Variants in DHX40 observed in about 807,000 individuals in gnomAD.
DHX40 encodes the protein DEAH-box helicase 40, also known as probable ATP-dependent RNA helicase DHX40.
A neutral mutation model predicts 89.6 loss-of-function variants in DHX40; 28 were observed. The ratio of observed to expected loss-of-function variants is 0.31; its 90% CI spans 0.23 to 0.43. The LOEUF is 0.43. Ranked by LOEUF, DHX40 falls within the 20% of genes least tolerant of loss-of-function variation. The pLI is 1.00. For missense variants in DHX40, 457 were observed against 844.0 expected (o/e 0.54, Z 5.68); for synonymous variants, 226 against 283.6 (o/e 0.80, Z 2.04).
At chr17:59,571,141 TATACA>T (rs1318440152) in intron 3 of DHX40, among the ~76,000 whole-genome samples, 3 of 152,114 alleles carry the variant, frequency 2.0e-5, no homozygotes, top group Non-Finnish European at 2.9e-5. Flanking sequence ...ACTATTTTGG[TATACA>T]ATTCAGTGCC....
chr17:59,573,593 G>C, intron 4 of DHX40, 147 bp from the exon 5 acceptor site: 2 of 950,322 alleles, frequency 2.1e-6, no homozygotes, highest in Non-Finnish European at 1.6e-6. Context: ...AAAGTGCTGG[G>C]ATTACAGGTG....
intron 4 of DHX40, 96 bp downstream of exon 4, chr17:59,573,331 T>G: frequency 1.9e-6 from 2 of 1,046,300 alleles, no homozygotes; most frequent in Non-Finnish European, 2.7e-6. Context: ...TACTTTTTAA[T>G]TTAATTTAAT....
At chr17:59,597,818 C>T (rs2030191592) in intron 12 of DHX40, among the ~76,000 whole-genome samples, 2 of 151,420 alleles carry the variant, frequency 1.3e-5, no homozygotes, top group South Asian at 4.2e-4. Flanking sequence ...GCCTGTAGTC[C>T]CAGCTACTCG....
intron 12 of DHX40, 151 bp from the exon 13 acceptor site, chr17:59,598,586 A>T: frequency 2.2e-6 from 1 of 455,362 alleles, no homozygotes; most frequent in South Asian, 3.3e-5. Flanking sequence ...TGGGAGAAAT[A>T]GAGCTTCCTA....
chr17:59,590,489 A>T (rs2049066516), intron 12 of DHX40, among the ~76,000 whole-genome samples: 2 of 151,374 alleles, frequency 1.3e-5, no homozygotes, highest in Non-Finnish European at 1.5e-5. Flanking sequence ...TTTTATTGAG[A>T]CAAGGTCTCA....
chr17:59,568,573 G>T (rs559186353), intron 2 of DHX40, among the ~76,000 whole-genome samples: 9 of 151,882 alleles, frequency 5.9e-5, no homozygotes, highest in Non-Finnish European at 1.3e-4. Flanking sequence ...TATAAATTAG[G>T]CATAGTAAGA....
At chr17:59,570,776 T>C (rs1012596133) in intron 3 of DHX40, 113 bp downstream of exon 3, 5 of 1,091,918 alleles carry the variant, frequency 4.6e-6, no homozygotes, top group Non-Finnish European at 6.2e-6. Flanking sequence ...CTCTACCTTC[T>C]GGGCTCAAGT....
chr17:59,583,768 T>TACTC (rs914119522), intron 10 of DHX40, among the ~76,000 whole-genome samples: 2 of 96,000 alleles, frequency 2.1e-5, no homozygotes, highest in Non-Finnish European at 4.5e-5. Context: ...TAGTCCCAGC[T>TACTC]ACTCGGGAGA....
At chr17:59,594,451 G>C (rs1448723751) in intron 12 of DHX40, among the ~76,000 whole-genome samples, 1 of 151,498 alleles carries the variant, frequency 6.6e-6, no homozygotes, top group Non-Finnish European at 1.5e-5. Context: ...GGTAATGGGG[G>C]CCTGTTCTTC....
At chr17:59,589,067 A>G (rs555430710) in intron 12 of DHX40, among the ~76,000 whole-genome samples, 8 of 152,000 alleles carry the variant, frequency 5.3e-5, no homozygotes, top group Non-Finnish European at 5.9e-5. Flanking sequence ...CACCAATACC[A>G]CACTGTCCTG....
chr17:59,567,147 A>G (rs1320096494), intron 2 of DHX40, among the ~76,000 whole-genome samples: 1 of 152,224 alleles, frequency 6.6e-6, no homozygotes, highest in East Asian at 1.9e-4. Flanking sequence ...TGCCATTAGT[A>G]CTTCTTGGTT....
intron 12 of DHX40, 32 bp downstream of exon 12, chr17:59,588,085 A>G: frequency 6.2e-7 from 1 of 1,609,772 alleles, no homozygotes; most frequent in Non-Finnish European, 8.5e-7. Flanking sequence ...GTGTTTTTTA[A>G]AACTAATAGA....
At chr17:59,575,221 T>C in intron 6 of DHX40, 119 bp from the exon 7 acceptor site, 2 of 772,456 alleles carry the variant, frequency 2.6e-6, no homozygotes, top group Non-Finnish European at 3.9e-6. Flanking sequence ...CTCCTTTACA[T>C]TAAATGAGAG....
At chr17:59,566,150 G>T (rs922878322) in intron 1 of DHX40, among the ~76,000 whole-genome samples, 5 of 152,130 alleles carry the variant, frequency 3.3e-5, no homozygotes, top group Non-Finnish European at 7.4e-5. Flanking sequence ...GTTTCCAGGA[G>T]CCAGTTTCCA....
At position 59,565,801 on chromosome 17, in the gene DHX40, G is replaced by T; in HGVS notation, c.112+18G>T. On this transcript the variant is annotated intron_variant, in intron 1 of 17. Transcript: ENST00000251241. The stretch of plus-strand genomic sequence containing the variant: ...CGATAGAGGTGCGGTCCGCGGGACG[G>T]TACGGAAGCCAGCGGGAGTTACGGC... The T allele has an allele frequency of 6.3e-7, 1 of 1,585,404 alleles. No homozygotes were observed. The highest frequency in any genetic ancestry group is 8.6e-7 in the Non-Finnish European group (1 of 1,168,830).
At chr17:59,602,652 T>C (rs780813292) in intron 15 of DHX40, 36 bp downstream of exon 15, 2 of 1,514,954 alleles carry the variant, frequency 1.3e-6, no homozygotes, top group South Asian at 1.2e-5. Flanking sequence ...GATCAAGATA[T>C]AATACTGTAT....
rs755470314 is a variant in DHX40, at chr17:59,605,430, G to T, written c.1972-16G>T. On this transcript the variant is annotated splice_polypyrimidine_tract_variant and intron_variant, in intron 16 of 17. Transcript: ENST00000251241. ...GGTTATTGAGTTACCATCATTAAAA[G>T]AAATGTTTTGTATAGCTTCATGAAC... 11 of 1,603,494 alleles carry T rather than the reference G, an allele frequency of 6.9e-6. No individual in the cohort carries two copies. The highest frequency in any genetic ancestry group is 8.5e-6 in the Non-Finnish European group (10 of 1,172,052).
chr17:59,594,816 G>A (rs1280062529), intron 12 of DHX40, among the ~76,000 whole-genome samples: 3 of 151,716 alleles, frequency 2.0e-5, no homozygotes, highest in Non-Finnish European at 2.9e-5. Flanking sequence ...GAAGGCTCTC[G>A]CATAGCCCTT....
At chr17:59,573,067 G>C (rs2048833073) in intron 3 of DHX40, 49 bp from the exon 4 acceptor site, 1 of 1,568,736 alleles carries the variant, frequency 6.4e-7, no homozygotes, top group Admixed American at 1.9e-5. Flanking sequence ...GAAAAATTTA[G>C]TTGGGAAAAT....
Sources: gnomAD v4.1 joint callset for allele counts (sites outside exome capture counted in the v4.1 genomes callset) on GRCh38, gnomAD v4.1.1 for gene constraint, MANE v1.5 for transcripts, NCBI Gene and HGNC (gene_info 2026-07-23, HGNC 2026-07-21) for gene names.